The following RPTOR variants were observed in gnomAD, a reference collection of about 807,000 sequenced individuals.
RPTOR encodes regulatory-associated protein of mTOR.
RPTOR carries 21 observed loss-of-function variants against 169.9 expected under a neutral mutation model. That is an observed-to-expected ratio of 0.12 (90% confidence interval 0.09 to 0.18). The LOEUF is 0.18. Ranked by LOEUF, RPTOR falls within the 10% of genes least tolerant of loss-of-function variation. RPTOR has a pLI of 1.00. For synonymous variants in RPTOR, 732 were observed against 753.2 expected (o/e 0.97, Z 0.46); for missense variants, 1,133 against 1,855.9 (o/e 0.61, Z 7.16).
chr17:80,831,888 T>C (rs1462112664), intron 9 of RPTOR, among the ~76,000 whole-genome samples: 1 of 152,238 alleles, frequency 6.6e-6, no homozygotes, highest in East Asian at 1.9e-4. Flanking sequence ...TGTGTATCAC[T>C]GTGCACACAG....
At chr17:80,771,363 A>T in intron 6 of RPTOR, among the ~76,000 whole-genome samples, 1 of 152,172 alleles carries the variant, frequency 6.6e-6, no homozygotes, top group East Asian at 1.9e-4. Context: ...ATACACCTGC[A>T]TAAACCTCTC....
At chr17:80,720,233 G>T (rs1219951554) in intron 4 of RPTOR, among the ~76,000 whole-genome samples, 1 of 152,054 alleles carries the variant, frequency 6.6e-6, no homozygotes, top group Non-Finnish European at 1.5e-5. Context: ...GGACTTGGAG[G>T]TTGCAGTGAG....
intron 1 of RPTOR, among the ~76,000 whole-genome samples, chr17:80,577,533 C>T (rs1444920049): frequency 6.6e-6 from 1 of 152,226 alleles, no homozygotes; most frequent in Admixed American, 6.5e-5. Flanking sequence ...CCTGCCTCGG[C>T]CTCCCAAAAT....
At chr17:80,815,662 TTATC>T (rs1377054203) in intron 7 of RPTOR, among the ~76,000 whole-genome samples, 38 of 152,358 alleles carry the variant, frequency 2.5e-4, no homozygotes, top group African/African-American at 9.1e-4. Flanking sequence ...CCATGGGAAT[TTATC>T]TAGCTACACA....
At position 80,960,594 on chromosome 17, in the gene RPTOR, A is replaced by G. The variant is rs1598427215; in HGVS notation, c.3605+389A>G. Reference sequence around the variant, plus strand: ...CTGCCACCTCCTGGGTCATGCAGCAAGTGTCTGGGGAGGGATGTCTGAGGG... The same window carrying G: ...CTGCCACCTCCTGGGTCATGCAGCAGGTGTCTGGGGAGGGATGTCTGAGGG... On this transcript the variant is annotated intron_variant, in intron 30 of 33. Transcript: ENST00000306801. This position sits in a 1 kb window ranked among gnomAD's most constrained non-coding sequence, Gnocchi z 4.8. 2.0e-5 allele frequency among the ~76,000 whole-genome samples: 3 copies of G among 152,176 alleles called. No homozygotes were observed. The East Asian group carries it at 5.8e-4, about 29-fold the overall frequency.
intron 1 of RPTOR, among the ~76,000 whole-genome samples, chr17:80,605,597 A>G (rs762654838): frequency 1.1e-4 from 16 of 152,144 alleles, no homozygotes; most frequent in Non-Finnish European, 1.9e-4. Flanking sequence ...CGGCTGCAAA[A>G]CAGAGTTGGG....
Position 80,754,113 on chromosome 17 carries a change from C to T in RPTOR, c.758C>T (p.Pro253Leu). The change falls in exon 6 of 34, where the codon CCC (proline) becomes CTC (leucine). Residue 253 changes from proline (P) to leucine (L), a missense_variant. Around this residue, in one of 9 missense-constraint regions of RPTOR, gnomAD observed 289 missense variants for 585.8 expected, o/e 0.49. Coordinates refer to ENST00000306801, the MANE Select transcript of RPTOR (RefSeq NM_020761.3). This position sits in a 1 kb window ranked among gnomAD's most constrained non-coding sequence, Gnocchi z 4.2. ...GCCTGCGAGGCCACCGAGCTGCTGCCCATGATCCCCGACCTCCCGGCTGAC... is the reference window on the plus strand; with the variant it reads ...GCCTGCGAGGCCACCGAGCTGCTGCTCATGATCCCCGACCTCCCGGCTGAC... Reference protein sequence around the residue: ...LAACEATELLPMIPDLPADLF... With the variant: ...LAACEATELLLMIPDLPADLF... 1 of 1,613,932 alleles carries T rather than the reference C, an allele frequency of 6.2e-7. No individual in the cohort carries two copies.
chr17:80,858,468 A>G (rs1435321924), intron 13 of RPTOR, among the ~76,000 whole-genome samples: 1 of 152,188 alleles, frequency 6.6e-6, no homozygotes, highest in Admixed American at 6.5e-5. Flanking sequence ...TCGCCCCTCA[A>G]TCATCTAGGC....
chr17:80,817,647 G>A (rs552587445), intron 7 of RPTOR, among the ~76,000 whole-genome samples: 37 of 152,248 alleles, frequency 2.4e-4, no homozygotes, highest in African/African-American at 8.2e-4. Flanking sequence ...GAGAAGGGGT[G>A]GGGGAGGGAG....
intron 6 of RPTOR, among the ~76,000 whole-genome samples, chr17:80,784,825 A>G (rs1244216385): frequency 2.0e-5 from 3 of 151,706 alleles, no homozygotes; most frequent in Admixed American, 6.6e-5. Flanking sequence ...CAGCCTCCTG[A>G]GTAGCTGGGA....
intron 1 of RPTOR, among the ~76,000 whole-genome samples, chr17:80,551,561 A>G (rs1426988200): frequency 6.6e-6 from 1 of 152,242 alleles, no homozygotes; most frequent in Non-Finnish European, 1.5e-5. Flanking sequence ...TTTACAAAGC[A>G]GTATTGCTGC....
intron 1 of RPTOR, among the ~76,000 whole-genome samples, chr17:80,569,978 G>A (rs552530083): frequency 6.6e-6 from 1 of 152,190 alleles, no homozygotes; most frequent in African/African-American, 2.4e-5. Flanking sequence ...CCAGCAGCAC[G>A]CCCTGCCTTG....
At chr17:80,855,826 C>T (rs953102172) in intron 12 of RPTOR, among the ~76,000 whole-genome samples, 1 of 152,092 alleles carries the variant, frequency 6.6e-6, no homozygotes, top group Non-Finnish European at 1.5e-5. Context: ...TGTTGTCGGC[C>T]GGTCACCTTT....
At chr17:80,818,901 G>C (rs28617259) in intron 7 of RPTOR, among the ~76,000 whole-genome samples, 1 of 152,140 alleles carries the variant, frequency 6.6e-6, no homozygotes, top group Non-Finnish European at 1.5e-5. Flanking sequence ...CAGTGCTGGG[G>C]TGTGGGACCT....
chr17:80,676,868 A>G (rs2065864881), intron 3 of RPTOR, among the ~76,000 whole-genome samples: 1 of 152,126 alleles, frequency 6.6e-6, no homozygotes, highest in African/African-American at 2.4e-5. Flanking sequence ...AGGCATCCTG[A>G]TTTGCAGCCT....
chr17:80,811,256 C>T (rs980547212), intron 7 of RPTOR, among the ~76,000 whole-genome samples: 3 of 152,146 alleles, frequency 2.0e-5, no homozygotes, highest in South Asian at 2.1e-4. Context: ...TGAGGAAGTG[C>T]GCTTCTAGAC....
chr17:80,694,414 G>A (rs1433866810), intron 3 of RPTOR, among the ~76,000 whole-genome samples: 4 of 152,240 alleles, frequency 2.6e-5, no homozygotes, highest in African/African-American at 9.6e-5. Context: ...CATTGCGTTG[G>A]TCGGCCTCCA....
At chr17:80,961,528 T>A (rs965764857) in intron 31 of RPTOR, 48 bp downstream of exon 31, 1 of 1,523,574 alleles carries the variant, frequency 6.6e-7, no homozygotes, top group Non-Finnish European at 8.9e-7. Flanking sequence ...AAAACATTAT[T>A]TTCCCCTCCA....
chr17:80,692,997 G>T (rs969539344), intron 3 of RPTOR, among the ~76,000 whole-genome samples: 4 of 152,184 alleles, frequency 2.6e-5, no homozygotes, highest in African/African-American at 4.8e-5. Flanking sequence ...ACGCACACAC[G>T]CACACAGTGT....
Sources: allele counts gnomAD v4.1 joint callset (sites outside exome capture counted in the v4.1 genomes callset), GRCh38; gene constraint gnomAD v4.1.1; regional missense constraint gnomAD v4.1.1; non-coding constraint Gnocchi (gnomAD v3.1); transcripts MANE v1.5; gene names NCBI Gene and HGNC (gene_info 2026-07-23, HGNC 2026-07-21).